The following STAM2 variants were observed in gnomAD, a reference collection of about 807,000 sequenced individuals.
STAM2 encodes signal transducing adapter molecule 2.
A neutral mutation model predicts 65.6 loss-of-function variants in STAM2; 51 were observed. The observed-to-expected ratio is 0.78, with a 90% CI of 0.62 to 0.98. The LOEUF (loss-of-function observed/expected upper bound fraction) is 0.98, where lower values mean the gene tolerates loss of function less well. STAM2 is among the 50% of genes least tolerant of loss of function. The probability of loss-of-function intolerance (pLI) is 0.00; values close to 1 mark genes in which losing one functional copy is unlikely to be tolerated. For missense variants in STAM2, 584 were observed against 617.8 expected (o/e 0.95, Z 0.58); for synonymous variants, 198 against 208.4 (o/e 0.95, Z 0.43).
intron 1 of STAM2, among the ~76,000 whole-genome samples, chr2:152,173,086 G>A (rs909694672): frequency 7.3e-5 from 11 of 151,644 alleles, no homozygotes; most frequent in Non-Finnish European, 1.6e-4. Context: ...TAGATTGAGA[G>A]TTCCTTGAAG....
At chr2:152,149,490 T>C (rs559540337) in intron 2 of STAM2, among the ~76,000 whole-genome samples, 4 of 146,562 alleles carry the variant, frequency 2.7e-5, no homozygotes, top group African/African-American at 7.6e-5. Flanking sequence ...CTATTAATAG[T>C]CTACTCTTTT....
At chr2:152,163,199 C>A (rs190240910) in intron 1 of STAM2, among the ~76,000 whole-genome samples, 88 of 152,196 alleles carry the variant, frequency 5.8e-4, no homozygotes, top group African/African-American at 2.1e-3. Context: ...TGGCTGGAGC[C>A]GTAGCAGAGG....
intron 1 of STAM2, among the ~76,000 whole-genome samples, chr2:152,168,999 T>G (rs1449515595): frequency 6.6e-6 from 1 of 152,218 alleles, no homozygotes; most frequent in Non-Finnish European, 1.5e-5. Context: ...AAAATATCTG[T>G]ATAACCTCAG....
At chr2:152,171,276 T>G (rs1436924751) in intron 1 of STAM2, among the ~76,000 whole-genome samples, 1 of 152,124 alleles carries the variant, frequency 6.6e-6, no homozygotes, top group Non-Finnish European at 1.5e-5. Flanking sequence ...CTTGACATAA[T>G]TGCCTGGCAG....
chr2:152,173,808 C>G (rs1354591554), intron 1 of STAM2, among the ~76,000 whole-genome samples: 1 of 152,158 alleles, frequency 6.6e-6, no homozygotes, highest in Non-Finnish European at 1.5e-5. Context: ...TTTAGTATTT[C>G]ATTCTACTTT....
At chr2:152,167,731 GAAA>G (rs11384182) in intron 1 of STAM2, among the ~76,000 whole-genome samples, 1 of 141,816 alleles carries the variant, frequency 7.1e-6, no homozygotes. Flanking sequence ...CTCATTTCTA[GAAA>G]AAAATAAATA....
At chr2:152,135,827 C>T (rs1393803550) in intron 7 of STAM2, among the ~76,000 whole-genome samples, 1 of 152,188 alleles carries the variant, frequency 6.6e-6, no homozygotes, top group Non-Finnish European at 1.5e-5. Flanking sequence ...CAGTGGCTCA[C>T]GCCTATAATC....
intron 13 of STAM2, among the ~76,000 whole-genome samples, chr2:152,122,072 ATATATG>A (rs755492661): frequency 4.0e-4 from 43 of 108,302 alleles, no homozygotes; most frequent in East Asian, 1.8e-3. Context: ...ATATATATAT[ATATATG>A]TGTGTGTGTG....
intron 7 of STAM2, among the ~76,000 whole-genome samples, chr2:152,143,501 TCTGCCAATAATTTCAGTACACACAA>T (rs1344177823): frequency 6.6e-6 from 1 of 152,194 alleles, no homozygotes; most frequent in East Asian, 1.9e-4. Context: ...CTAAAGTTTT[TCTGCCAATAATTTCAGTACACACAA>T]CTGCCAACGT....
intron 11 of STAM2, among the ~76,000 whole-genome samples, chr2:152,127,731 A>G (rs546345083): frequency 6.6e-6 from 1 of 152,216 alleles, no homozygotes; most frequent in Non-Finnish European, 1.5e-5. Context: ...TTATTATGTA[A>G]TAACAACAAA....
In STAM2 at chr2:152,119,077, C is replaced by T. The variant is rs889997865; in HGVS notation, c.*1497G>A. The stretch of plus-strand genomic sequence containing the variant: ...ATGGATTTAGTAGAAAGAATGACTG[C>T]TTCCTTTAAAAAAACAAATATAGAA... On this transcript the variant is annotated 3_prime_UTR_variant, in exon 14 of 14. Coordinates refer to ENST00000263904, the MANE Select transcript of STAM2 (RefSeq NM_005843.6). The T allele has an allele frequency of 2.6e-5, 4 of 152,072 alleles. No individual in the cohort carries two copies. The highest frequency in any genetic ancestry group is 9.7e-5 in the African/African-American group (4 of 41,450). The allele number at this position is 152,072 out of a possible 1,614,324, so 9.4% of individuals were successfully genotyped here.
At chr2:152,168,435 G>T (rs1689835556) in intron 1 of STAM2, among the ~76,000 whole-genome samples, 1 of 152,030 alleles carries the variant, frequency 6.6e-6, no homozygotes, top group South Asian at 2.1e-4. Flanking sequence ...TGGGATTATA[G>T]GCATGAGCCA....
chr2:152,147,460 T>A, intron 4 of STAM2, 152 bp from the exon 5 acceptor site: 1 of 671,884 alleles, frequency 1.5e-6, no homozygotes, highest in Non-Finnish European at 2.3e-6. Flanking sequence ...GAGTAATTGA[T>A]AGATGCCTAT....
At chr2:152,173,379 T>C (rs1406486088) in intron 1 of STAM2, among the ~76,000 whole-genome samples, 4 of 147,736 alleles carry the variant, frequency 2.7e-5, no homozygotes, top group African/African-American at 9.9e-5. Flanking sequence ...TATACATATA[T>C]ATATATATGT....
chr2:152,122,748 G>T (rs1688880313), intron 13 of STAM2, among the ~76,000 whole-genome samples: 1 of 151,994 alleles, frequency 6.6e-6, no homozygotes. Context: ...ACAACTCTTA[G>T]AGTAAAAGTG....
intron 12 of STAM2, 21 bp downstream of exon 12, chr2:152,126,205 G>A (rs756900461): frequency 1.3e-6 from 2 of 1,548,616 alleles, no homozygotes; most frequent in East Asian, 2.3e-5. Context: ...TTTAGAAAAT[G>A]TTCTCAAAAA....
chr2:152,145,531 A>G (rs1006834068), intron 5 of STAM2, among the ~76,000 whole-genome samples: 3 of 152,254 alleles, frequency 2.0e-5, no homozygotes, highest in African/African-American at 7.2e-5. Context: ...GTACTTAAAT[A>G]TTAATAGAAT....
intron 9 of STAM2, 56 bp downstream of exon 9, chr2:152,133,346 G>C: frequency 6.5e-7 from 1 of 1,543,866 alleles, no homozygotes; most frequent in Non-Finnish European, 8.9e-7. Context: ...CATTCTCAAA[G>C]ATAGTACATT....
chr2:152,123,957 T>A, intron 12 of STAM2, 22 bp from the exon 13 acceptor site: 2 of 1,602,122 alleles, frequency 1.2e-6, no homozygotes. Flanking sequence ...AAAGAAAAAG[T>A]TGATTCACTC....
Sources: gnomAD v4.1 joint callset for allele counts (sites outside exome capture counted in the v4.1 genomes callset) on GRCh38, gnomAD v4.1.1 for gene constraint, MANE v1.5 for transcripts, NCBI Gene and HGNC (gene_info 2026-07-23, HGNC 2026-07-21) for gene names.